The following TBXAS1 variants were observed in gnomAD, a reference collection of about 807,000 sequenced individuals.
The protein encoded by TBXAS1 is thromboxane A synthase 1.
Under a neutral mutation model 60.7 loss-of-function variants are expected in TBXAS1, and 48 were observed. The observed-to-expected ratio is 0.79, with a 90% CI of 0.63 to 1.01. The LOEUF is 1.01. Among genes scored for constraint, TBXAS1 ranks in the 50% least tolerant of loss-of-function variants. The probability of loss-of-function intolerance (pLI) is 0.00; values close to 1 mark genes in which losing one functional copy is unlikely to be tolerated. For missense variants in TBXAS1, 685 were observed against 686.3 expected, an observed-to-expected ratio of 1.00 and a Z score of 0.02; for synonymous variants, 287 against 269.7, an observed-to-expected ratio of 1.06 and a Z score of -0.63.
At chr7:139,936,428 C>T in intron 5 of TBXAS1, 121 bp downstream of exon 5, 1 of 981,768 alleles carries the variant, frequency 1.0e-6, no homozygotes, top group South Asian at 1.3e-5. Context: ...ATGCCTTTCC[C>T]ACTGGGACCT....
At chr7:139,849,593 A>G (rs1354844330) in intron 1 of TBXAS1, among the ~76,000 whole-genome samples, 2 of 152,126 alleles carry the variant, frequency 1.3e-5, no homozygotes, top group Admixed American at 1.3e-4. Context: ...GGACGTACCT[A>G]GGAATTTCTA....
intron 6 of TBXAS1, among the ~76,000 whole-genome samples, chr7:139,954,134 G>A (rs1285150929): frequency 2.0e-5 from 3 of 152,038 alleles, no homozygotes; most frequent in Admixed American, 6.5e-5. Flanking sequence ...CTTTGCTTTA[G>A]TCATTTTATG....
At chr7:139,863,301 A>G (rs78703714) in intron 1 of TBXAS1, among the ~76,000 whole-genome samples, 331 of 152,310 alleles carry the variant, frequency 2.2e-3, no homozygotes, top group African/African-American at 7.6e-3. Context: ...TCTTTGTGGT[A>G]CCTACATTAT....
rs56394931 is a variant in TBXAS1, at chr7:139,866,824, T to C, written c.90-5411T>C. Reference sequence around the variant, plus strand: ...GAGAGAGAATGTAATAGCAAACATATAAAAAATACACAGTGAAAAAAACCA... The same window carrying C: ...GAGAGAGAATGTAATAGCAAACATACAAAAAATACACAGTGAAAAAAACCA... On this transcript the variant is annotated intron_variant, in intron 1 of 12. Coordinates refer to ENST00000448866, the MANE Select transcript of TBXAS1 (RefSeq NM_001061.7). 7.2e-3 allele frequency among the ~76,000 whole-genome samples: 1,093 copies of C among 151,836 alleles called. 17 individuals carry two copies. The highest frequency in any genetic ancestry group is 0.025 in the African/African-American group (1,036 of 41,398).
At chr7:139,973,852 C>T (rs972705183) in intron 9 of TBXAS1, among the ~76,000 whole-genome samples, 1 of 152,016 alleles carries the variant, frequency 6.6e-6, no homozygotes, top group Non-Finnish European at 1.5e-5. Context: ...CCTCATTCCT[C>T]GAATGTTCCC....
chr7:139,888,589 T>G (rs1803298029), intron 3 of TBXAS1, among the ~76,000 whole-genome samples: 1 of 152,198 alleles, frequency 6.6e-6, no homozygotes, highest in Non-Finnish European at 1.5e-5. Context: ...TCCCCTCTTG[T>G]ACCCCACAGT....
chr7:139,864,673 C>G (rs913159743), intron 1 of TBXAS1, among the ~76,000 whole-genome samples: 3 of 151,946 alleles, frequency 2.0e-5, no homozygotes, highest in Admixed American at 6.6e-5. Flanking sequence ...GAAGCATAAG[C>G]TAGACAAATG....
intron 5 of TBXAS1, among the ~76,000 whole-genome samples, chr7:139,945,756 T>C (rs1333740395): frequency 2.6e-5 from 4 of 152,174 alleles, no homozygotes; most frequent in African/African-American, 9.6e-5. Context: ...GGGTCAGGAA[T>C]CCTGGCATGG....
chr7:139,965,428 C>A (rs967982935), intron 9 of TBXAS1, among the ~76,000 whole-genome samples: 1 of 152,100 alleles, frequency 6.6e-6, no homozygotes, highest in Non-Finnish European at 1.5e-5. Flanking sequence ...CCCAGGAACC[C>A]GCATTTTATT....
rs1020990796 is a variant in TBXAS1 at position 139,852,250 on chromosome 7, G to A, written c.90-19985G>A. On this transcript the variant is annotated intron_variant, in intron 1 of 12. Coordinates refer to ENST00000448866, the MANE Select transcript of TBXAS1 (RefSeq NM_001061.7). This position sits in a 1 kb window ranked among gnomAD's most constrained non-coding sequence, Gnocchi z 4.4. ...GATAACTAATATAGGTGCTGAGATAGGAATGGCTGGGACCAGGCAGGGTCA... is the reference window on the plus strand; with the variant it reads ...GATAACTAATATAGGTGCTGAGATAAGAATGGCTGGGACCAGGCAGGGTCA... Among the ~76,000 whole-genome samples the A allele has an allele frequency of 6.6e-6, 1 of 152,218 alleles. No homozygotes were observed. Among genetic ancestry groups the A allele is most frequent in the Non-Finnish European group, 1.5e-5 (1 of 68,042 alleles).
Position 139,896,629 on chromosome 7 carries a change from G to T in TBXAS1, c.237-14596G>T, listed in dbSNP as rs1331077090. Among the ~76,000 whole-genome samples, 1 of 152,180 alleles carries T rather than the reference G, an allele frequency of 6.6e-6. No homozygotes were observed. Among genetic ancestry groups the T allele is most frequent in the East Asian group, 1.9e-4 (1 of 5,194 alleles). On this transcript the variant is annotated intron_variant, in intron 3 of 12. Transcript: ENST00000448866. The surrounding 1 kb of genome is among the most constrained non-coding windows in gnomAD (Gnocchi z 4.0). ...TATTTCTTCAAATGTCCACTAACTT[G>T]CTAGAACATGTATACTTATAAAGTT...
intron 1 of TBXAS1, among the ~76,000 whole-genome samples, chr7:139,842,930 T>C (rs1276355948): frequency 6.6e-6 from 1 of 152,202 alleles, no homozygotes; most frequent in South Asian, 2.1e-4. Flanking sequence ...AGAGATGATC[T>C]GAAAGCAAAG....
intron 1 of TBXAS1, among the ~76,000 whole-genome samples, chr7:139,867,075 T>C (rs1462907891): frequency 2.6e-5 from 4 of 152,236 alleles, no homozygotes; most frequent in Non-Finnish European, 5.9e-5. Context: ...GCAAAGCCCA[T>C]GAGGGCATGC....
intron 10 of TBXAS1, among the ~76,000 whole-genome samples, chr7:140,012,054 T>C (rs1205691870): frequency 2.0e-5 from 3 of 151,860 alleles, no homozygotes. Context: ...CACGTGGGAG[T>C]GGTACAGACA....
intron 4 of TBXAS1, among the ~76,000 whole-genome samples, chr7:139,818,574 C>T (rs1312868159): frequency 6.6e-6 from 1 of 152,180 alleles, no homozygotes. Flanking sequence ...ATACCACCTG[C>T]TGACATATTC....
At chr7:139,822,192 CT>C (rs1421737111) in intron 4 of TBXAS1, among the ~76,000 whole-genome samples, 3 of 152,180 alleles carry the variant, frequency 2.0e-5, no homozygotes, top group Admixed American at 6.5e-5. Context: ...AAACAAAAAG[CT>C]GCATCCTTAA....
chr7:139,890,401 G>A lies in TBXAS1; in HGVS notation c.236+14764G>A, dbSNP rs191023873. 2.2e-3 allele frequency among the ~76,000 whole-genome samples: 330 copies of A among 152,066 alleles called. 3 individuals carry two copies. The highest frequency in any genetic ancestry group is 7.4e-3 in the African/African-American group (307 of 41,500). On this transcript the variant is annotated intron_variant, in intron 3 of 12. Coordinates refer to ENST00000448866, the MANE Select transcript of TBXAS1 (RefSeq NM_001061.7). Reference sequence around the variant, plus strand: ...CGGCTAATTTTTTGTATTTTTAGGAGAGACGGGGTTTCACCTTGTTAGCCA... The same window carrying A: ...CGGCTAATTTTTTGTATTTTTAGGAAAGACGGGGTTTCACCTTGTTAGCCA...
chr7:139,802,848 T>G (rs1421604539), intron 4 of TBXAS1, among the ~76,000 whole-genome samples: 2 of 151,940 alleles, frequency 1.3e-5, no homozygotes, highest in South Asian at 4.2e-4. Flanking sequence ...GTGGTGGCAG[T>G]TCCCCTGCAC....
At chr7:139,871,199 G>A (rs1801800554) in intron 1 of TBXAS1, among the ~76,000 whole-genome samples, 1 of 152,202 alleles carries the variant, frequency 6.6e-6, no homozygotes, top group Non-Finnish European at 1.5e-5. Context: ...AAAGATCAAA[G>A]AGTATAGCAA....
Sources: allele counts gnomAD v4.1 joint callset (sites outside exome capture counted in the v4.1 genomes callset), GRCh38; gene constraint gnomAD v4.1.1; non-coding constraint Gnocchi (gnomAD v3.1); transcripts MANE v1.5; gene names NCBI Gene and HGNC (gene_info 2026-07-23, HGNC 2026-07-21).